CHD1L: variants seen among roughly 807,000 people sequenced by gnomAD.
CHD1L encodes the protein chromodomain helicase DNA binding protein 1 like, also known as ATP-dependent chromatin remodeler CHD1L.
A neutral mutation model predicts 115.9 loss-of-function variants in CHD1L; 118 were observed. The ratio of observed to expected loss-of-function variants is 1.02; its 90% CI spans 0.88 to 1.19. The LOEUF (loss-of-function observed/expected upper bound fraction) is 1.19. Ranked by LOEUF, CHD1L falls within the 50% of genes most tolerant of loss-of-function variation. The pLI is 0.00. For synonymous variants in CHD1L, 411 were observed against 387.1 expected, an observed-to-expected ratio of 1.06 and a Z score of -0.72; for missense variants, 1,179 against 1,065.3, an observed-to-expected ratio of 1.11 and a Z score of -1.49.
chr1:147,179,223 C>T, the CHD1L span: 1 of 1,613,698 alleles, frequency 6.2e-7, no homozygotes, highest in Admixed American at 1.7e-5. Flanking sequence ...CTGAACCTAT[C>T]CCAGAGAGCA....
At chr1:147,275,943 C>G (rs1678266477) in intron 13 of CHD1L, among the ~76,000 whole-genome samples, 161 bp from the exon 14 acceptor site, 1 of 152,172 alleles carries the variant, frequency 6.6e-6, no homozygotes, top group Admixed American at 6.5e-5. Context: ...CAGGCGAGTT[C>G]TCTCTAACAA....
At chr1:147,260,805 G>A (rs369572921) in intron 6 of CHD1L, 2 of 152,128 alleles carry the variant, frequency 1.3e-5, no homozygotes, top group African/African-American at 2.4e-5. Context: ...TGGATCTCTT[G>A]CATCATTCTG....
Position 147,256,668 on chromosome 1 carries a change from T to G in CHD1L, c.494+106T>G. ...CCTCTCCTGGCATGTCTGGTATGTC[T>G]TCCATGAGTTCTGTTTATGGGTAGG... is the stretch of plus-strand genomic sequence containing the variant. On this transcript the variant is annotated intron_variant, in intron 5 of 22. Coordinates refer to ENST00000369258, the MANE Select transcript of CHD1L (RefSeq NM_004284.6). 12 of 1,075,310 alleles carry G rather than the reference T, an allele frequency of 1.1e-5. No homozygotes were observed. In the South Asian group the frequency reaches 1.7e-4, roughly 15 times the overall value. The allele number at this position is 1,075,310 out of a possible 1,614,324, so 66.6% of individuals were successfully genotyped here. A position where few individuals can be genotyped will look rare whatever the true frequency, so the allele number is the denominator to read the frequency against.
intron 6 of CHD1L, among the ~76,000 whole-genome samples, chr1:147,262,975 ATAT>A (rs1553945252): frequency 1.6e-4 from 25 of 152,148 alleles, no homozygotes. Flanking sequence ...ATATGCATAT[ATAT>A]TATTTAAAAA....
At chr1:147,190,151 T>C in the CHD1L span, 5 of 1,456,718 alleles carry the variant, frequency 3.4e-6, no homozygotes, top group Non-Finnish European at 3.8e-6. Flanking sequence ...AATGTAACCA[T>C]ATATCTTCCT....
the CHD1L span, chr1:147,175,274 C>T: frequency 1.3e-5 from 2 of 152,168 alleles, no homozygotes; most frequent in Non-Finnish European, 2.9e-5. Context: ...CACACAAAAC[C>T]TGTAAACACA....
upstream of CHD1L, among the ~76,000 whole-genome samples, chr1:147,242,008 A>C (rs1029190606): frequency 3.3e-5 from 5 of 152,164 alleles, no homozygotes; most frequent in Admixed American, 2.6e-4. Flanking sequence ...AAATGCAGCT[A>C]TTTTGTTATT....
chr1:147,271,011 AC>A lies in CHD1L; in HGVS notation c.1159+8del. On this transcript the variant is annotated splice_region_variant and intron_variant, in intron 11 of 22. Transcript: ENST00000369258. ...AGACTATATGGATTACAGAGGTGAC[AC>A]CTTTTGGCCACTACATTACCTAAGG... The A allele has an allele frequency of 6.2e-7, 1 of 1,612,898 alleles. No homozygotes were observed. Among genetic ancestry groups the A allele is most frequent in the Non-Finnish European group, 8.5e-7 (1 of 1,178,928 alleles).
At chr1:147,228,565 G>T in the CHD1L span, among the ~76,000 whole-genome samples, 1 of 151,904 alleles carries the variant, frequency 6.6e-6, no homozygotes, top group Admixed American at 6.5e-5. Context: ...TCTAGTTCTA[G>T]ATCCCTGAGG....
At chr1:147,274,307 C>T (rs369660826) in intron 12 of CHD1L, among the ~76,000 whole-genome samples, 1 of 152,092 alleles carries the variant, frequency 6.6e-6, no homozygotes, top group African/African-American at 2.4e-5. Context: ...GTAAGCACAG[C>T]GTAAGTGTCA....
chr1:147,247,833 A>T lies in CHD1L; in HGVS notation c.128-4790A>T, dbSNP rs587728471. Among the ~76,000 whole-genome samples, 22 of 152,214 alleles carry T rather than the reference A, an allele frequency of 1.4e-4. No individual in the cohort carries two copies. The East Asian group carries it at 3.9e-3, about 27-fold the overall frequency. The stretch of plus-strand genomic sequence containing the variant: ...CTTGACTCCTGGCCCCTTTCCTCCA[A>T]CTTCAAAGCCAGAAACATTGCATCT... On this transcript the variant is annotated intron_variant, in intron 1 of 22. Coordinates refer to ENST00000369258, the MANE Select transcript of CHD1L (RefSeq NM_004284.6).
rs1232472154 is a variant in CHD1L, at chr1:147,285,442, T to A, written c.1973T>A (p.Ile658Lys). ...QEAAAKRRRL[I>K]EEKKRQKEEA... ...GCAGCTGCCAAGAGAAGGAGACTCA[T>A]AGAGGAGAAGAAGAGGCAAAAGGAA... is the stretch of plus-strand genomic sequence containing the variant. The change falls in exon 17 of 23, where the codon ATA becomes AAA. Residue 658 changes from isoleucine (I) to lysine (K), a missense_variant. Physicochemically the swap from Ile to Lys is moderately radical, Grantham distance 102. Transcript: ENST00000369258. The A allele has an allele frequency of 6.2e-7, 1 of 1,613,554 alleles. No individual in the cohort carries two copies. The highest frequency in any genetic ancestry group is 1.3e-5 in the African/African-American group (1 of 74,882).
At chr1:147,218,651 T>G in the CHD1L span, among the ~76,000 whole-genome samples, 1,139 of 152,306 alleles carry the variant, frequency 7.5e-3, 2 homozygotes, top group Non-Finnish European at 0.011. Context: ...AAAACAAAAT[T>G]CCTTATTTTG....
At chr1:147,243,289 G>A (rs1278181261) in intron 1 of CHD1L, among the ~76,000 whole-genome samples, 1 of 152,184 alleles carries the variant, frequency 6.6e-6, no homozygotes, top group Non-Finnish European at 1.5e-5. Flanking sequence ...TGCGCGCGCA[G>A]TTATTGGAGA....
chr1:147,196,506 A>C, the CHD1L span, among the ~76,000 whole-genome samples: 1 of 152,024 alleles, frequency 6.6e-6, no homozygotes, highest in African/African-American at 2.4e-5. Context: ...AACAACAAAA[A>C]ACCCTATCTA....
At chr1:147,258,652 C>G (rs587596890) in intron 5 of CHD1L, among the ~76,000 whole-genome samples, 1 of 152,260 alleles carries the variant, frequency 6.6e-6, no homozygotes, top group Non-Finnish European at 1.5e-5. Flanking sequence ...TCATAGGGAC[C>G]TCTGTTCCTC....
chr1:147,229,739 G>A, the CHD1L span, among the ~76,000 whole-genome samples: 1 of 151,960 alleles, frequency 6.6e-6, no homozygotes, highest in African/African-American at 2.4e-5. Context: ...CTTGTAAGTT[G>A]GATTCCTAGG....
At chr1:147,189,819 T>G in the CHD1L span, among the ~76,000 whole-genome samples, 2 of 152,292 alleles carry the variant, frequency 1.3e-5, no homozygotes, top group East Asian at 1.9e-4. Context: ...TACCTCTCAT[T>G]CATTTACTGT....
chr1:147,224,980 G>T, the CHD1L span: 2 of 1,613,892 alleles, frequency 1.2e-6, no homozygotes, highest in African/African-American at 2.7e-5. Flanking sequence ...CTTGATGGAA[G>T]AGAGCCCGCT....
Sources: allele counts gnomAD v4.1 joint callset (sites outside exome capture counted in the v4.1 genomes callset), GRCh38; gene constraint gnomAD v4.1.1; transcripts MANE v1.5; gene names NCBI Gene and HGNC (gene_info 2026-07-23, HGNC 2026-07-21).